RALYL: variants seen among roughly 807,000 people sequenced by gnomAD.
RALYL encodes RNA-binding Raly-like protein.
In RALYL, 29 loss-of-function variants were observed where a neutral mutation model predicts 35.1. The observed-to-expected ratio is 0.83, with a 90% CI of 0.61 to 1.13. RALYL has a LOEUF of 1.13. Among genes scored for constraint, RALYL ranks in the 50% most tolerant of loss-of-function variants. The pLI, the probability that RALYL is intolerant of heterozygous loss-of-function variation, is 0.00. For missense variants in RALYL, 359 were observed against 360.4 expected (o/e 1.00, Z 0.03); for synonymous variants, 120 against 127.6 (o/e 0.94, Z 0.40).
In RALYL at chr8:84,383,800, G is replaced by A. The variant is rs550856273; in HGVS notation, c.-23-145499G>A. On this transcript the variant is annotated intron_variant, in intron 1 of 8. Transcript: ENST00000521268. ...GTTACATTAAAAAAAAAAAAAAAGT[G>A]GCCAAACTGAAACAAAGGTGTCAAG... Among the ~76,000 whole-genome samples the A allele has an allele frequency of 8.8e-4, 132 of 150,412 alleles. 1 individual carries two copies. Among genetic ancestry groups the A allele is most frequent in the Non-Finnish European group, 1.5e-3 (100 of 67,402 alleles).
intron 2 of RALYL, among the ~76,000 whole-genome samples, chr8:84,620,092 G>C (rs1224919493): frequency 6.6e-6 from 1 of 151,934 alleles, no homozygotes; most frequent in Admixed American, 6.6e-5. Flanking sequence ...TCTTCTCGAG[G>C]AGTATCTTTG....
chr8:84,440,926 T>C (rs2048265521), intron 1 of RALYL, among the ~76,000 whole-genome samples: 2 of 152,022 alleles, frequency 1.3e-5, no homozygotes, highest in Non-Finnish European at 2.9e-5. Flanking sequence ...GTATGTTTAA[T>C]AATATAAAAG....
intron 2 of RALYL, among the ~76,000 whole-genome samples, chr8:84,621,485 C>G (rs370853365): frequency 6.6e-6 from 1 of 152,134 alleles, no homozygotes; most frequent in Non-Finnish European, 1.5e-5. Flanking sequence ...CACTGACCTG[C>G]GCCCACTGTC....
chr8:84,380,241 C>T (rs994487983), intron 1 of RALYL, among the ~76,000 whole-genome samples: 2 of 151,880 alleles, frequency 1.3e-5, no homozygotes, highest in African/African-American at 4.8e-5. Flanking sequence ...ATACCTATGT[C>T]CCAGGTTCCC....
At chr8:84,661,972 T>C (rs1831030779) in intron 2 of RALYL, among the ~76,000 whole-genome samples, 1 of 151,864 alleles carries the variant, frequency 6.6e-6, no homozygotes, top group Non-Finnish European at 1.5e-5. Flanking sequence ...GGTCCCATAC[T>C]TCTTATAGTT....
At position 84,350,315 on chromosome 8, in the gene RALYL, A is replaced by G. The variant is rs993496055; in HGVS notation, c.-24+165891A>G. On this transcript the variant is annotated intron_variant, in intron 1 of 8. Coordinates refer to ENST00000521268, the MANE Select transcript of RALYL (RefSeq NM_173848.7). Reference sequence around the variant, plus strand: ...CATCAGGCTCCAAATGTGAATGCTTATAACAGTTTGCTATACTGCAAAACT... The same window carrying G: ...CATCAGGCTCCAAATGTGAATGCTTGTAACAGTTTGCTATACTGCAAAACT... Among the ~76,000 whole-genome samples the G allele has an allele frequency of 8.6e-5, 13 of 150,648 alleles. 1 individual carries two copies. The highest frequency in any genetic ancestry group is 4.4e-5 in the Non-Finnish European group (3 of 67,762).
intron 3 of RALYL, among the ~76,000 whole-genome samples, chr8:84,800,544 C>T (rs1310233688): frequency 4.6e-5 from 7 of 152,078 alleles, no homozygotes; most frequent in Non-Finnish European, 5.9e-5. Flanking sequence ...TGAAGGCTGT[C>T]GTTTGTTTAT....
chr8:84,459,580 T>C (rs1156556933), intron 1 of RALYL, among the ~76,000 whole-genome samples: 2 of 151,724 alleles, frequency 1.3e-5, no homozygotes, highest in Admixed American at 6.6e-5. Flanking sequence ...TCCTTTGCAA[T>C]GGAGGAATGG....
intron 2 of RALYL, among the ~76,000 whole-genome samples, chr8:84,665,158 G>T (rs985800924): frequency 1.3e-5 from 2 of 152,054 alleles, no homozygotes; most frequent in African/African-American, 2.4e-5. Flanking sequence ...AACCAACCTT[G>T]CATGAAGTCT....
At chr8:84,839,841 G>C (rs574378155) in intron 4 of RALYL, among the ~76,000 whole-genome samples, 57 of 152,324 alleles carry the variant, frequency 3.7e-4, no homozygotes, top group African/African-American at 1.4e-3. Context: ...CACGACTGCT[G>C]ATGCCCAGGC....
At chr8:84,326,814 G>T (rs1845882459) in intron 1 of RALYL, among the ~76,000 whole-genome samples, 3 of 152,084 alleles carry the variant, frequency 2.0e-5, no homozygotes, top group Admixed American at 6.6e-5. Flanking sequence ...GTAATACTCA[G>T]AATTTTCATG....
At chr8:84,638,703 G>A (rs902652644) in intron 2 of RALYL, among the ~76,000 whole-genome samples, 1 of 150,480 alleles carries the variant, frequency 6.6e-6, no homozygotes, top group Non-Finnish European at 1.5e-5. Context: ...CCTATGCAGT[G>A]TACAGTGGCA....
chr8:84,739,788 A>G (rs570876569), intron 2 of RALYL, among the ~76,000 whole-genome samples: 1 of 152,090 alleles, frequency 6.6e-6, no homozygotes, highest in South Asian at 2.1e-4. Flanking sequence ...GACTCTGAGT[A>G]TGATTTAATG....
chr8:84,258,202 T>C (rs1350848259), intron 1 of RALYL, among the ~76,000 whole-genome samples: 2 of 152,152 alleles, frequency 1.3e-5, no homozygotes, highest in African/African-American at 2.4e-5. Context: ...TTCCTTTATC[T>C]GTTTGTCTCA....
chr8:84,619,521 C>T (rs1273752739), intron 2 of RALYL, among the ~76,000 whole-genome samples: 8 of 146,536 alleles, frequency 5.5e-5, no homozygotes, highest in Non-Finnish European at 1.0e-4. Context: ...GAATACAGCA[C>T]ACTGATGGGT....
chr8:84,842,884 T>C (rs1444316435), intron 4 of RALYL, among the ~76,000 whole-genome samples: 1 of 152,172 alleles, frequency 6.6e-6, no homozygotes, highest in African/African-American at 2.4e-5. Flanking sequence ...ATTATCTCAA[T>C]AGACACAGAA....
intron 2 of RALYL, among the ~76,000 whole-genome samples, chr8:84,739,342 T>C (rs2133023951): frequency 6.6e-6 from 1 of 151,602 alleles, no homozygotes; most frequent in South Asian, 2.1e-4. Context: ...TTAAAGAGCT[T>C]ATAGTTTAGT....
chr8:84,278,989 T>C (rs1835978799), intron 1 of RALYL, among the ~76,000 whole-genome samples: 1 of 152,182 alleles, frequency 6.6e-6, no homozygotes, highest in Non-Finnish European at 1.5e-5. Flanking sequence ...TAGTCTGTCC[T>C]CAGGCTGTTA....
intron 2 of RALYL, among the ~76,000 whole-genome samples, chr8:84,565,228 G>A (rs1384647248): frequency 1.3e-5 from 2 of 151,682 alleles, no homozygotes; most frequent in East Asian, 1.9e-4. Context: ...CTATTTGAGT[G>A]CAGAAGCTCA....
Sources: allele counts gnomAD v4.1 joint callset (sites outside exome capture counted in the v4.1 genomes callset), GRCh38; gene constraint gnomAD v4.1.1; transcripts MANE v1.5; gene names NCBI Gene and HGNC (gene_info 2026-07-23, HGNC 2026-07-21).